Variants in CHODL observed in about 807,000 individuals in gnomAD.
CHODL encodes the protein transmembrane protein MT75.
A neutral mutation model predicts 34.5 loss-of-function variants in CHODL; 29 were observed. That is an observed-to-expected ratio of 0.84 (90% CI 0.63 to 1.15). The LOEUF (loss-of-function observed/expected upper bound fraction) is 1.15, where lower values mean the gene tolerates loss of function less well. Among genes scored for constraint, CHODL ranks in the 50% most tolerant of loss-of-function variants. CHODL has a pLI of 0.00. For missense variants in CHODL, 332 were observed against 332.5 expected (o/e 1.00, Z 0.01); for synonymous variants, 125 against 116.1 (o/e 1.08, Z -0.49).
intron 1 of CHODL, among the ~76,000 whole-genome samples, chr21:17,987,981 G>A (rs924559413): frequency 6.6e-6 from 1 of 152,108 alleles, no homozygotes; most frequent in African/African-American, 2.4e-5. Context: ...ATGCATTGGA[G>A]CAGATTTTTT....
At chr21:18,149,335 A>G (rs1236863791) in intron 2 of CHODL, among the ~76,000 whole-genome samples, 1 of 152,200 alleles carries the variant, frequency 6.6e-6, no homozygotes, top group South Asian at 2.1e-4. Context: ...ATGAGATGAA[A>G]GCGACTGACT....
In CHODL at chr21:18,035,947, C is replaced by T. The variant is rs114086737; in HGVS notation, c.-45+7976C>T. ...TTGATTGATTTCTTTCTCTTCATCC[C>T]ACATCATATTTTCCTCCTTTGCATA... is the stretch of plus-strand genomic sequence containing the variant. On this transcript the variant is annotated intron_variant, in intron 2 of 6. Coordinates refer to the CHODL transcript ENST00000400127. Among the ~76,000 whole-genome samples, 433 of 152,038 alleles carry T rather than the reference C, an allele frequency of 2.8e-3. 2 individuals are homozygous for T. Among genetic ancestry groups the T allele is most frequent in the African/African-American group, 1.0e-2 (415 of 41,510 alleles).
chr21:17,976,357 G>A (rs982460202), intron 1 of CHODL, among the ~76,000 whole-genome samples: 1 of 151,198 alleles, frequency 6.6e-6, no homozygotes, highest in African/African-American at 2.4e-5. Context: ...TACAGACAAG[G>A]AGTGGGTAGA....
intron 2 of CHODL, among the ~76,000 whole-genome samples, chr21:18,040,954 A>C (rs2064368088): frequency 6.6e-6 from 1 of 151,960 alleles, no homozygotes; most frequent in African/African-American, 2.4e-5. Context: ...ATTTTAAGTC[A>C]GGAAATAAAA....
At chr21:17,972,758 C>T (rs1478800423) in intron 1 of CHODL, among the ~76,000 whole-genome samples, 1 of 152,172 alleles carries the variant, frequency 6.6e-6, no homozygotes, top group Non-Finnish European at 1.5e-5. Flanking sequence ...CATCAAGCTA[C>T]CATTGGCTGT....
intron 2 of CHODL, among the ~76,000 whole-genome samples, chr21:18,080,935 C>T (rs2064934273): frequency 1.3e-5 from 2 of 152,152 alleles, no homozygotes; most frequent in Non-Finnish European, 2.9e-5. Context: ...GCAGTATGGT[C>T]ATTTTAACTA....
chr21:18,161,749 G>T (rs2073097846), intron 2 of CHODL, among the ~76,000 whole-genome samples: 1 of 152,098 alleles, frequency 6.6e-6, no homozygotes. Context: ...CCCAGCACAG[G>T]CTGCGAGTAT....
intron 2 of CHODL, among the ~76,000 whole-genome samples, chr21:18,108,979 C>G (rs34009431): frequency 0.2 from 29,620 of 151,802 alleles, 3,422 homozygotes; most frequent in African/African-American, 0.31. Context: ...AGGATTATGA[C>G]AGACTGACAG....
At chr21:18,208,399 A>G (rs2073737159) in intron 2 of CHODL, among the ~76,000 whole-genome samples, 1 of 152,024 alleles carries the variant, frequency 6.6e-6, no homozygotes, top group South Asian at 2.1e-4. Context: ...GTTATCTTTA[A>G]TTTCATTGAG....
intron 2 of CHODL, among the ~76,000 whole-genome samples, chr21:18,094,978 G>T (rs1023590136): frequency 1.3e-5 from 2 of 151,902 alleles, no homozygotes; most frequent in Admixed American, 1.3e-4. Flanking sequence ...AAAAAAATTA[G>T]CTGGGTGTGG....
chr21:18,230,136 C>T (rs909199168), intron 2 of CHODL, among the ~76,000 whole-genome samples: 22 of 152,086 alleles, frequency 1.4e-4, no homozygotes, highest in Non-Finnish European at 2.9e-4. Context: ...AAAACTGTTA[C>T]CGTTAAAATG....
intron 1 of CHODL, among the ~76,000 whole-genome samples, chr21:17,957,851 G>A (rs867231319): frequency 9.2e-5 from 14 of 151,802 alleles, no homozygotes; most frequent in Admixed American, 2.0e-4. Context: ...TTGGACTTGG[G>A]AGTGTCTGTT....
At chr21:18,010,729 C>G (rs2064011308) in intron 1 of CHODL, among the ~76,000 whole-genome samples, 1 of 152,068 alleles carries the variant, frequency 6.6e-6, no homozygotes, top group Admixed American at 6.6e-5. Flanking sequence ...AAAAACAAAC[C>G]ACTTAAAAAC....
intron 2 of CHODL, among the ~76,000 whole-genome samples, chr21:18,153,561 T>A (rs2072997380): frequency 6.6e-6 from 1 of 152,140 alleles, no homozygotes; most frequent in South Asian, 2.1e-4. Flanking sequence ...AGGACTTACA[T>A]GATTATATCG....
chr21:18,209,829 A>G (rs2073754016), intron 2 of CHODL, among the ~76,000 whole-genome samples: 1 of 152,160 alleles, frequency 6.6e-6, no homozygotes, highest in Admixed American at 6.5e-5. Flanking sequence ...TCCAGGAGCT[A>G]GGACCTGGAA....
intron 1 of CHODL, among the ~76,000 whole-genome samples, chr21:18,009,122 T>C (rs2063987116): frequency 6.6e-6 from 1 of 152,224 alleles, no homozygotes; most frequent in South Asian, 2.1e-4. Flanking sequence ...TCTTCCGTCA[T>C]AGACAATTGA....
chr21:18,146,231 C>A (rs1367263606), intron 2 of CHODL, among the ~76,000 whole-genome samples: 3 of 151,832 alleles, frequency 2.0e-5, no homozygotes, highest in Non-Finnish European at 4.4e-5. Flanking sequence ...CCCACCTCGG[C>A]CTCCCAAAGT....
At chr21:17,942,645 A>T (rs1296811682) in intron 1 of CHODL, among the ~76,000 whole-genome samples, 1 of 152,258 alleles carries the variant, frequency 6.6e-6, no homozygotes, top group Non-Finnish European at 1.5e-5. Context: ...TTTAAAACTT[A>T]AAGATACCAC....
intron 1 of CHODL, among the ~76,000 whole-genome samples, chr21:17,983,819 T>G (rs1442981611): frequency 6.6e-6 from 1 of 152,212 alleles, no homozygotes; most frequent in South Asian, 2.1e-4. Context: ...CATAGGCATA[T>G]GCCCATAATA....
Sources: allele counts gnomAD v4.1 joint callset (sites outside exome capture counted in the v4.1 genomes callset), GRCh38; gene constraint gnomAD v4.1.1; transcripts MANE v1.5; gene names NCBI Gene and HGNC (gene_info 2026-07-23, HGNC 2026-07-21).